Variants in RCL1 observed in about 807,000 individuals in gnomAD.
RCL1 encodes the protein RNA terminal phosphate cyclase like 1.
In RCL1, 24 loss-of-function variants were observed where a neutral mutation model predicts 42.4. The ratio of observed to expected loss-of-function variants is 0.57; its 90% CI spans 0.41 to 0.80. The LOEUF is 0.80. Among genes scored for constraint, RCL1 ranks in the 30% least tolerant of loss-of-function variants. The pLI, the probability that RCL1 is intolerant of heterozygous loss-of-function variation, is 0.00. For missense variants in RCL1, 578 were observed against 467.9 expected (o/e 1.24, Z -2.17); for synonymous variants, 228 against 177.3 (o/e 1.29, Z -2.27).
At chr9:4,843,190 A>G (rs918588596) in intron 6 of RCL1, among the ~76,000 whole-genome samples, 1 of 152,204 alleles carries the variant, frequency 6.6e-6, no homozygotes, top group African/African-American at 2.4e-5. Flanking sequence ...TTATAAAGTC[A>G]TGGATGGGTA....
rs962025540 is a variant in RCL1 at position 4,793,021 on chromosome 9, G to T, written c.-71G>T. 2.6e-6 allele frequency: 4 copies of T among 1,526,576 alleles called. No homozygotes were observed. In the African/African-American group the frequency reaches 4.2e-5, roughly 16 times the overall value. The allele number at this position is 1,526,576 out of a possible 1,614,324, so 94.6% of individuals were successfully genotyped here. On this transcript the variant is annotated 5_prime_UTR_variant, in exon 1 of 9. Transcript: ENST00000381750. ...GGTGTCGCCGCCACCACCACCATCG[G>T]AGTCACGAGTCCCGCGTCTGTCCGA...
intron 5 of RCL1, among the ~76,000 whole-genome samples, chr9:4,840,032 C>T (rs925453840): frequency 6.6e-6 from 1 of 151,694 alleles, no homozygotes; most frequent in African/African-American, 2.4e-5. Context: ...ACTGAGCAGG[C>T]TGGGGGCTCT....
chr9:4,846,495 A>G (rs1234339920), intron 7 of RCL1, among the ~76,000 whole-genome samples: 2 of 152,208 alleles, frequency 1.3e-5, no homozygotes, highest in Admixed American at 6.5e-5. Context: ...AGTAACTAAA[A>G]GTTTGGGGTA....
intron 8 of RCL1, among the ~76,000 whole-genome samples, chr9:4,852,443 T>C (rs763190260): frequency 2.0e-5 from 3 of 152,120 alleles, no homozygotes; most frequent in Non-Finnish European, 4.4e-5. Flanking sequence ...CAGAAATTAT[T>C]TGTGGAATGA....
chr9:4,826,951 G>A lies in RCL1; in HGVS notation c.302G>A (p.Ser101Asn). Reference protein sequence around the residue: ...VLRGIGYYLESLLCLAPFMKH... With the variant: ...VLRGIGYYLENLLCLAPFMKH... ...CGTGGCATTGGGTATTACCTGGAGA[G>A]TCTTCTTTGCTTGGCTCCATTTATG... The change falls in exon 3 of 9, where the codon AGT becomes AAT. Residue 101 changes from serine (S) to asparagine (N), a missense_variant. Transcript: ENST00000381750. 6.2e-7 allele frequency: 1 copy of A among 1,614,156 alleles called. No individual in the cohort carries two copies. Among genetic ancestry groups the A allele is most frequent in the Non-Finnish European group, 8.5e-7 (1 of 1,180,018 alleles).
chr9:4,853,459 C>A (rs981469119), intron 8 of RCL1, among the ~76,000 whole-genome samples: 3 of 151,962 alleles, frequency 2.0e-5, no homozygotes, highest in Admixed American at 2.0e-4. Flanking sequence ...GTAGCTGGGA[C>A]TACAGGCGCC....
intron 1 of RCL1, among the ~76,000 whole-genome samples, chr9:4,806,030 G>GTGTGTGTGTGTT (rs768380118): frequency 0.086 from 12,038 of 140,380 alleles, 687 homozygotes; most frequent in Non-Finnish European, 0.13. Flanking sequence ...GTGTGTGTGT[G>GTGTGTGTGTGTT]TGTGTGTGTG....
At chr9:4,812,826 T>C (rs963363466) in intron 1 of RCL1, among the ~76,000 whole-genome samples, 3 of 152,138 alleles carry the variant, frequency 2.0e-5, no homozygotes, top group Admixed American at 1.3e-4. Flanking sequence ...TATGGTTTTT[T>C]TTAGTTCTTG....
chr9:4,820,776 A>C (rs555416984), intron 1 of RCL1, among the ~76,000 whole-genome samples: 11 of 152,290 alleles, frequency 7.2e-5, no homozygotes, highest in African/African-American at 2.6e-4. Flanking sequence ...ATTGTGCCTG[A>C]TTTGTAAAGA....
At chr9:4,820,589 T>G (rs1413674783) in intron 1 of RCL1, among the ~76,000 whole-genome samples, 1 of 152,256 alleles carries the variant, frequency 6.6e-6, no homozygotes, top group East Asian at 1.9e-4. Flanking sequence ...TCTTCCTTTT[T>G]TCTTTTCTAA....
At chr9:4,811,643 T>A (rs1816180908) in intron 1 of RCL1, among the ~76,000 whole-genome samples, 1 of 152,232 alleles carries the variant, frequency 6.6e-6, no homozygotes, top group African/African-American at 2.4e-5. Flanking sequence ...TATGTGTTTG[T>A]GAATAGTGGT....
At chr9:4,808,257 C>T (rs1816049496) in intron 1 of RCL1, among the ~76,000 whole-genome samples, 1 of 152,094 alleles carries the variant, frequency 6.6e-6, no homozygotes, top group Non-Finnish European at 1.5e-5. Context: ...CTTAGTGCTA[C>T]ATTGACTCTT....
chr9:4,808,126 A>G (rs2130978115), intron 1 of RCL1, among the ~76,000 whole-genome samples: 1 of 151,736 alleles, frequency 6.6e-6, no homozygotes, highest in Non-Finnish European at 1.5e-5. Flanking sequence ...GTCTAGTTCT[A>G]TTGATTATTG....
intron 1 of RCL1, among the ~76,000 whole-genome samples, chr9:4,813,466 T>C (rs924402050): frequency 2.6e-5 from 4 of 152,106 alleles, no homozygotes; most frequent in Non-Finnish European, 4.4e-5. Flanking sequence ...ATCAGAGAAA[T>C]GCAAATCAAA....
intron 1 of RCL1, among the ~76,000 whole-genome samples, chr9:4,801,246 A>G (rs978966633): frequency 1.6e-4 from 24 of 152,164 alleles, no homozygotes; most frequent in Non-Finnish European, 2.1e-4. Context: ...ATCATGGCTC[A>G]CTACTGCCTC....
chr9:4,844,400 A>C (rs1337816167), intron 6 of RCL1, 125 bp from the exon 7 acceptor site: 4 of 684,452 alleles, frequency 5.8e-6, no homozygotes, highest in Non-Finnish European at 1.0e-5. Context: ...AGGTTAATGC[A>C]GCCAGAAAGA....
chr9:4,810,279 C>G (rs187142270), intron 1 of RCL1, among the ~76,000 whole-genome samples: 22 of 152,274 alleles, frequency 1.4e-4, no homozygotes, highest in Non-Finnish European at 1.5e-5. Context: ...ACCGATGTAG[C>G]TATTACCCAT....
At chr9:4,841,491 A>G (rs1017920219) in intron 6 of RCL1, 134 bp downstream of exon 6, 18 of 732,136 alleles carry the variant, frequency 2.5e-5, no homozygotes, top group Non-Finnish European at 3.9e-5. Flanking sequence ...TTTCTGCCTT[A>G]TTGCCGTTGT....
rs373602737 is a variant in RCL1 at position 4,815,721 on chromosome 9, C to T, written c.137-7827C>T. Among the ~76,000 whole-genome samples the T allele has an allele frequency of 2.0e-5, 3 of 152,020 alleles. No homozygotes were observed. In the East Asian group the frequency reaches 5.8e-4, roughly 29 times the overall value. On this transcript the variant is annotated intron_variant, in intron 1 of 8. Transcript: ENST00000381750. ...TAATTCCAGGATAGTGTAGCGCAGG[C>T]CACAGGGAGCTGGGCACGGTGTTGA...
Sources: allele counts gnomAD v4.1 joint callset (sites outside exome capture counted in the v4.1 genomes callset), GRCh38; gene constraint gnomAD v4.1.1; transcripts MANE v1.5; gene names NCBI Gene and HGNC (gene_info 2026-07-23, HGNC 2026-07-21).